The following MEI1 variants were observed in gnomAD, a reference collection of about 807,000 sequenced individuals.
MEI1 encodes meiosis inhibitor protein 1.
A neutral mutation model predicts 146.2 loss-of-function variants in MEI1; 103 were observed. The ratio of observed to expected loss-of-function variants is 0.70; its 90% confidence interval spans 0.60 to 0.83. The LOEUF (loss-of-function observed/expected upper bound fraction) is 0.83. Ranked by LOEUF, MEI1 falls within the 40% of genes least tolerant of loss-of-function variation. MEI1 has a pLI of 0.00. For missense variants in MEI1, 1,529 were observed against 1,533.0 expected (o/e 1.00, Z 0.04); for synonymous variants, 652 against 628.2 (o/e 1.04, Z -0.57).
In MEI1 at chr22:41,732,561, A is replaced by T. The variant is rs745617568; in HGVS notation, c.1289A>T (p.Glu430Val). Residue 430 changes from glutamate (E) to valine (V), a missense_variant, in exon 11 of 31, where the codon GAG (glutamate) becomes GTG (valine). This residue lies in a region of MEI1 where 1,212 missense variants were observed against 1,178.9 expected (regional missense o/e 1.03). Coordinates refer to ENST00000401548, the MANE Select transcript of MEI1 (RefSeq NM_152513.4). ...GAAGCAGTTAGCAGCCCTGTGCTGG[A>T]GGTGGCTGCTGAGGCCTTGAAGGCC... ...LQEAVSSPVL[E>V]VAAEALKATS... is the part of the protein sequence containing the mutation. 1 of 1,613,764 alleles carries T rather than the reference A, an allele frequency of 6.2e-7. No homozygotes were observed. Among genetic ancestry groups the T allele is most frequent in the Non-Finnish European group, 8.5e-7 (1 of 1,179,858 alleles).
At chr22:41,775,718 G>C (rs1018920457) in intron 20 of MEI1, among the ~76,000 whole-genome samples, 1 of 151,314 alleles carries the variant, frequency 6.6e-6, no homozygotes, top group Non-Finnish European at 1.5e-5. Context: ...CTCAGCCTCC[G>C]GAGTAGCTGG....
chr22:41,732,630 T>G, intron 11 of MEI1, 27 bp downstream of exon 11: 2 of 1,607,722 alleles, frequency 1.2e-6, no homozygotes, highest in Non-Finnish European at 1.7e-6. Context: ...GGCTGAACTT[T>G]CCATCCCTGC....
intron 19 of MEI1, chr22:41,767,431 G>C: frequency 6.0e-6 from 2 of 335,576 alleles, no homozygotes; most frequent in Non-Finnish European, 1.3e-5. Flanking sequence ...TTGAGCCTTT[G>C]TGGAAGCAGT....
chr22:41,784,256 G>T, intron 24 of MEI1, 83 bp from the exon 25 acceptor site: 1 of 1,225,098 alleles, frequency 8.2e-7, no homozygotes, highest in East Asian at 2.3e-5. Context: ...GGGGGGAGGT[G>T]ATAGAAGAGA....
chr22:41,763,102 G>A, intron 18 of MEI1, 72 bp from the exon 19 acceptor site: 1 of 1,551,366 alleles, frequency 6.4e-7, no homozygotes, highest in Non-Finnish European at 8.8e-7. Context: ...GAAGGATGCG[G>A]CCAGGCAGAA....
At chr22:41,720,698 G>T (rs1372363233) in intron 6 of MEI1, among the ~76,000 whole-genome samples, 1 of 150,868 alleles carries the variant, frequency 6.6e-6, no homozygotes, top group East Asian at 2.0e-4. Flanking sequence ...CCGGGTTCAC[G>T]CCATTCTCCT....
At chr22:41,778,951 G>C in intron 22 of MEI1, 139 bp downstream of exon 22, 1 of 633,590 alleles carries the variant, frequency 1.6e-6, no homozygotes, top group East Asian at 2.8e-5. Flanking sequence ...TGTCCCTAGG[G>C]TTTTCTTGCT....
At chr22:41,772,204 A>G (rs2075221278) in intron 20 of MEI1, among the ~76,000 whole-genome samples, 1 of 152,150 alleles carries the variant, frequency 6.6e-6, no homozygotes, top group African/African-American at 2.4e-5. Flanking sequence ...CATAGAAAAG[A>G]TACAGCATGA....
chr22:41,751,576 C>T (rs2073752361), intron 15 of MEI1, among the ~76,000 whole-genome samples: 1 of 150,288 alleles, frequency 6.7e-6, no homozygotes, highest in Admixed American at 6.7e-5. Context: ...GGTCCGATAC[C>T]AGCCTGACCA....
chr22:41,716,096 A>G lies in MEI1; in HGVS notation c.479A>G (p.Lys160Arg). 6.2e-7 allele frequency: 1 copy of G among 1,612,084 alleles called. No individual in the cohort carries two copies. The highest frequency in any genetic ancestry group is 8.5e-7 in the Non-Finnish European group (1 of 1,179,198). ...CTGGCCACCCTGACCCTTCTTGGCA[A>G]GTTGGTGGATGCCATCCCTGCTCTG... The part of the protein sequence containing the change: ...GSLATLTLLG[K>R]LVDAIPALAD... Residue 160 changes from lysine (K) to arginine (R), a missense_variant, in exon 5 of 31, where the codon AAG becomes AGG. Physicochemically the swap from Lys to Arg is conservative, Grantham distance 26. Around this residue, in one of 3 missense-constraint regions of MEI1, gnomAD observed 1,212 missense variants for 1,178.9 expected, o/e 1.03. Coordinates refer to ENST00000401548, the MANE Select transcript of MEI1 (RefSeq NM_152513.4).
chr22:41,763,331 A>G lies in MEI1; in HGVS notation c.2268+10A>G. The stretch of plus-strand genomic sequence containing the variant: ...CAATACACTACGTGAGGTATGGACC[A>G]CAATGCCTGGGCTCCTTGTCCTTCT... On this transcript the variant is annotated intron_variant, in intron 19 of 30. Transcript: ENST00000401548. 6.2e-7 allele frequency: 1 copy of G among 1,612,952 alleles called. No individual in the cohort carries two copies. Among genetic ancestry groups the G allele is most frequent in the Non-Finnish European group, 8.5e-7 (1 of 1,179,318 alleles).
At chr22:41,705,366 T>G (rs2069008942) in intron 2 of MEI1, 138 bp from the exon 3 acceptor site, 1 of 738,194 alleles carries the variant, frequency 1.4e-6, no homozygotes. Flanking sequence ...GAGAGAGGGT[T>G]TCGCCATATT....
In MEI1 at chr22:41,792,518, A is replaced by C. The variant is rs116080198; in HGVS notation, c.3346-1311A>C. On this transcript the variant is annotated intron_variant, in intron 26 of 30. Coordinates refer to ENST00000401548, the MANE Select transcript of MEI1 (RefSeq NM_152513.4). ...ATGGAGCACGGTGGAGGAAAGTGTTAGTTGAAATAAGAGTAGAGAGAGTGT... is the reference window on the plus strand; with the variant it reads ...ATGGAGCACGGTGGAGGAAAGTGTTCGTTGAAATAAGAGTAGAGAGAGTGT... Among the ~76,000 whole-genome samples, 836 of 152,304 alleles carry C rather than the reference A, an allele frequency of 5.5e-3. 4 individuals carry two copies. The highest frequency in any genetic ancestry group is 0.019 in the African/African-American group (778 of 41,558).
At position 41,746,039 on chromosome 22, in the gene MEI1, G is replaced by C. The variant is rs781616416; in HGVS notation, c.1680+13G>C. ...CCCCATGGTGATGGTGGGTTCTCCT[G>C]AGCCACGGGCAACATGAAGCTTGGG... is the stretch of plus-strand genomic sequence containing the variant. On this transcript the variant is annotated intron_variant, in intron 14 of 30. Coordinates refer to ENST00000401548, the MANE Select transcript of MEI1 (RefSeq NM_152513.4). 2 of 1,573,372 alleles carry C rather than the reference G, an allele frequency of 1.3e-6. No homozygotes were observed. The highest frequency in any genetic ancestry group is 1.2e-5 in the South Asian group (1 of 86,598).
intron 18 of MEI1, among the ~76,000 whole-genome samples, chr22:41,758,808 G>A (rs1210950935): frequency 6.6e-6 from 1 of 152,172 alleles, no homozygotes; most frequent in African/African-American, 2.4e-5. Flanking sequence ...AACTTCAGTA[G>A]GTTACTTTGG....
In MEI1 at chr22:41,770,889, C is replaced by T. The variant is rs1339851306; in HGVS notation, c.2472C>T (p.Pro824=). The change falls in exon 20 of 31, where the codon CCC becomes CCT. Residue 824 remains proline (P), a synonymous_variant. Transcript: ENST00000401548. Reference sequence around the variant, plus strand: ...ATGATGTCACCTCTGCTGGGCAGCCCGCCCTTCCTGCCAGCTTAGTAGTCC... The same window carrying T: ...ATGATGTCACCTCTGCTGGGCAGCCTGCCCTTCCTGCCAGCTTAGTAGTCC... The part of the protein sequence containing the change: ...ELDDVTSAGQ[P]ALPASLVVLF... The T allele has an allele frequency of 3.7e-6, 6 of 1,613,916 alleles. No individual in the cohort carries two copies. Among genetic ancestry groups the T allele is most frequent in the Admixed American group, 1.7e-5 (1 of 59,994 alleles).
intron 22 of MEI1, 84 bp downstream of exon 22, chr22:41,778,896 T>G: frequency 4.1e-6 from 4 of 966,162 alleles, no homozygotes; most frequent in Non-Finnish European, 6.4e-6. Flanking sequence ...GTGTTCTTCT[T>G]TCTTCTACTC....
chr22:41,713,465 G>C (rs2069792591), intron 3 of MEI1, among the ~76,000 whole-genome samples: 1 of 119,784 alleles, frequency 8.3e-6, no homozygotes, highest in Admixed American at 8.2e-5. Context: ...TCTAAACAAA[G>C]CAAAAGCAAA....
chr22:41,760,444 G>A (rs2074409133), intron 18 of MEI1, among the ~76,000 whole-genome samples: 1 of 152,192 alleles, frequency 6.6e-6, no homozygotes, highest in African/African-American at 2.4e-5. Context: ...GGGAGGCGGA[G>A]GTTGCAGTGA....
Sources: gnomAD v4.1 joint callset for allele counts (sites outside exome capture counted in the v4.1 genomes callset) on GRCh38, gnomAD v4.1.1 for gene constraint, gnomAD v4.1.1 regional missense constraint, MANE v1.5 for transcripts, NCBI Gene and HGNC (gene_info 2026-07-23, HGNC 2026-07-21) for gene names.